USP14: variants seen among roughly 807,000 people sequenced by gnomAD.
USP14 encodes the protein ubiquitin specific peptidase 14, also known as ubiquitin carboxyl-terminal hydrolase 14.
USP14 carries 38 observed loss-of-function variants against 76.5 expected under a neutral mutation model. The observed-to-expected ratio is 0.50, with a 90% CI of 0.38 to 0.65. USP14 has a LOEUF of 0.65. Among genes scored for constraint, USP14 ranks in the 30% least tolerant of loss-of-function variants. USP14 has a pLI of 0.00. For synonymous variants in USP14, 192 were observed against 191.7 expected, an observed-to-expected ratio of 1.00 and a Z score of -0.01; for missense variants, 467 against 586.5, an observed-to-expected ratio of 0.80 and a Z score of 2.10.
intron 3 of USP14, among the ~76,000 whole-genome samples, chr18:171,935 T>C (rs1480224703): frequency 1.3e-5 from 2 of 152,052 alleles, no homozygotes; most frequent in African/African-American, 4.8e-5. Flanking sequence ...GTGGTGTAAA[T>C]AGGAAGAAAC....
chr18:197,312 AC>A (rs1294250889), intron 7 of USP14, among the ~76,000 whole-genome samples: 1 of 152,072 alleles, frequency 6.6e-6, no homozygotes, highest in Non-Finnish European at 1.5e-5. Context: ...CTGATCACTT[AC>A]TGTTTCCATC....
At chr18:165,329 A>T (rs542104117) in intron 2 of USP14, among the ~76,000 whole-genome samples, 15 of 152,202 alleles carry the variant, frequency 9.9e-5, no homozygotes, top group Non-Finnish European at 1.9e-4. Flanking sequence ...TCTATAGTTA[A>T]CTTTAGAGAT....
At position 160,119 on chromosome 18, in the gene USP14, A is replaced by G. The variant is rs1909075424; in HGVS notation, c.16+1405A>G. On this transcript the variant is annotated intron_variant, in intron 1 of 15. Coordinates refer to ENST00000261601, the MANE Select transcript of USP14 (RefSeq NM_005151.4). ...AGGAGTTCGAGACCGCCTGGCCAAC[A>G]TGTTGAAACCCTGTCTCTACTAAAA... Among the ~76,000 whole-genome samples the G allele has an allele frequency of 3.9e-5, 6 of 152,262 alleles. No homozygotes were observed. The South Asian group carries it at 1.2e-3, about 32-fold the overall frequency.
intron 3 of USP14, among the ~76,000 whole-genome samples, chr18:177,499 G>A (rs2144230726): frequency 6.6e-6 from 1 of 151,182 alleles, no homozygotes; most frequent in African/African-American, 2.4e-5. Flanking sequence ...CTTATAAAAT[G>A]TCTATGTAGA....
At chr18:174,621 T>TG (rs1190414248) in intron 3 of USP14, among the ~76,000 whole-genome samples, 1 of 151,276 alleles carries the variant, frequency 6.6e-6, no homozygotes, top group East Asian at 1.9e-4. Flanking sequence ...TTTTTTTTTT[T>TG]TTTTTAAAGA....
intron 5 of USP14, among the ~76,000 whole-genome samples, chr18:189,578 G>C (rs1309556209): frequency 6.6e-6 from 1 of 152,062 alleles, no homozygotes; most frequent in Admixed American, 6.5e-5. Flanking sequence ...CGCCTCCTGG[G>C]TTCAAGTGAT....
chr18:203,433 G>T (rs1048304477), intron 12 of USP14, among the ~76,000 whole-genome samples: 1 of 151,746 alleles, frequency 6.6e-6, no homozygotes, highest in Non-Finnish European at 1.5e-5. Flanking sequence ...GTAGGTCTTC[G>T]GTGGGGCCTA....
At chr18:164,451 GTT>G in intron 2 of USP14, among the ~76,000 whole-genome samples, 1 of 151,248 alleles carries the variant, frequency 6.6e-6, no homozygotes, top group Non-Finnish European at 1.5e-5. Flanking sequence ...ACGAAGAGCT[GTT>G]TTTCTTTTTC....
intron 6 of USP14, among the ~76,000 whole-genome samples, chr18:195,587 G>A (rs1013116028): frequency 2.0e-5 from 3 of 152,222 alleles, no homozygotes; most frequent in Non-Finnish European, 4.4e-5. Flanking sequence ...GATTCATGCT[G>A]CTGAGAGGGG....
chr18:206,265 A>G (rs2143094627), intron 13 of USP14, among the ~76,000 whole-genome samples: 1 of 152,356 alleles, frequency 6.6e-6, no homozygotes, highest in South Asian at 2.1e-4. Context: ...ATAGGTTTAT[A>G]GTGATACTGT....
At chr18:171,023 AAAATATAT>A (rs1411755151) in intron 3 of USP14, among the ~76,000 whole-genome samples, 47 of 46,818 alleles carry the variant, frequency 1.0e-3, no homozygotes, top group African/African-American at 2.3e-3. Flanking sequence ...AAAAAAAAAA[AAAATATAT>A]ATATATATAT....
chr18:161,048 C>T (rs1909105361), intron 1 of USP14, among the ~76,000 whole-genome samples: 1 of 152,162 alleles, frequency 6.6e-6, no homozygotes, highest in African/African-American at 2.4e-5. Context: ...CTGCCTCAGT[C>T]TCGCGAGTAG....
rs199949125 is a variant in USP14, at chr18:198,072, C to T, written c.701C>T (p.Ala234Val). 47 of 1,610,416 alleles carry T rather than the reference C, an allele frequency of 2.9e-5. No individual in the cohort carries two copies. The East Asian group carries it at 6.7e-4, about 23-fold the overall frequency. ...KETDSSSASA[A>V]TPSKKKSLID... ...ACAGACTCCTCATCTGCATCGGCAGCGACACCTTCTAAAAAGAAAAGTTTA... is the reference window on the plus strand; with the variant it reads ...ACAGACTCCTCATCTGCATCGGCAGTGACACCTTCTAAAAAGAAAAGTTTA... Residue 234 changes from alanine (A) to valine (V), a missense_variant, in exon 9 of 16, where the codon GCG (alanine) becomes GTG (valine). By Grantham distance (64) the Ala-to-Val change is moderately conservative. Coordinates refer to ENST00000261601, the MANE Select transcript of USP14 (RefSeq NM_005151.4).
intron 3 of USP14, among the ~76,000 whole-genome samples, chr18:174,147 A>G (rs575957019): frequency 1.3e-5 from 2 of 152,278 alleles, no homozygotes; most frequent in South Asian, 4.1e-4. Flanking sequence ...AGTCTGGGAC[A>G]TCTCAATATT....
intron 3 of USP14, among the ~76,000 whole-genome samples, chr18:176,059 C>T (rs1472349095): frequency 6.6e-6 from 1 of 151,900 alleles, no homozygotes; most frequent in East Asian, 1.9e-4. Flanking sequence ...ATGTGTAGTG[C>T]TGCTTTTTCG....
At chr18:182,149 A>C (rs887012511) in intron 5 of USP14, among the ~76,000 whole-genome samples, 3 of 152,254 alleles carry the variant, frequency 2.0e-5, no homozygotes, top group Non-Finnish European at 4.4e-5. Context: ...ATCGTATGAA[A>C]GGAAAAGAGT....
At chr18:161,492 C>G (rs946556617) in intron 1 of USP14, among the ~76,000 whole-genome samples, 1 of 152,166 alleles carries the variant, frequency 6.6e-6, no homozygotes. Flanking sequence ...TCCAGGAAAT[C>G]TTTCCTCATT....
intron 12 of USP14, among the ~76,000 whole-genome samples, chr18:204,064 C>T (rs1399797348): frequency 6.6e-6 from 1 of 151,886 alleles, no homozygotes; most frequent in Non-Finnish European, 1.5e-5. Flanking sequence ...AGTATATTTT[C>T]CAGTATACTT....
intron 7 of USP14, 29 bp downstream of exon 7, chr18:196,796 G>A (rs1910249326): frequency 1.9e-6 from 3 of 1,606,686 alleles, no homozygotes. Context: ...TTTTCATTCT[G>A]TAAATGTAAA....
Sources: allele counts gnomAD v4.1 joint callset (sites outside exome capture counted in the v4.1 genomes callset), GRCh38; gene constraint gnomAD v4.1.1; transcripts MANE v1.5; gene names NCBI Gene and HGNC (gene_info 2026-07-23, HGNC 2026-07-21).